The following EPHA6 variants were observed in gnomAD, a reference collection of about 807,000 sequenced individuals.
EPHA6 encodes the protein EPH receptor A6, also known as ephrin type-A receptor 6.
A neutral mutation model predicts 112.0 loss-of-function variants in EPHA6; 50 were observed. The observed-to-expected ratio is 0.45, with a 90% confidence interval of 0.36 to 0.56. The LOEUF (loss-of-function observed/expected upper bound fraction) is 0.56, where lower values mean the gene tolerates loss of function less well. Among genes scored for constraint, EPHA6 ranks in the 20% least tolerant of loss-of-function variants. The pLI, the probability that EPHA6 is intolerant of heterozygous loss-of-function variation, is 0.00. For missense variants in EPHA6, 1,280 were observed against 1,417.4 expected (o/e 0.90, Z 1.56); for synonymous variants, 529 against 490.7 (o/e 1.08, Z -1.03).
In EPHA6 at chr3:97,495,246, T is replaced by G. The variant is rs187001463; in HGVS notation, c.2200+11187T>G. ...ATATTATATTTTTATAGGTCTACACTATATATATATGTAAATCATATATAT... is the reference window on the plus strand; with the variant it reads ...ATATTATATTTTTATAGGTCTACACGATATATATATGTAAATCATATATAT... On this transcript the variant is annotated intron_variant, in intron 10 of 17. Transcript: ENST00000389672. Among the ~76,000 whole-genome samples the G allele has an allele frequency of 3.6e-3, 551 of 151,196 alleles. 3 individuals carry two copies. The highest frequency in any genetic ancestry group is 0.013 in the African/African-American group (524 of 41,352).
chr3:96,980,048 G>T (rs374979663), intron 2 of EPHA6, among the ~76,000 whole-genome samples: 16 of 152,178 alleles, frequency 1.1e-4, no homozygotes, highest in African/African-American at 2.2e-4. Context: ...AGAAGCTCTT[G>T]AGTTTAATTA....
At position 97,754,032 on chromosome 3, in the gene EPHA6, C is replaced by T. The variant is rs1411471587; in HGVS notation, c.*5331C>T. Among the ~76,000 whole-genome samples, 1 of 150,748 alleles carries T rather than the reference C, an allele frequency of 6.6e-6. No homozygotes were observed. Among genetic ancestry groups the T allele is most frequent in the African/African-American group, 2.4e-5 (1 of 41,036 alleles). On this transcript the variant is annotated 3_prime_UTR_variant, in exon 18 of 18. Coordinates refer to ENST00000389672, the MANE Select transcript of EPHA6 (RefSeq NM_001080448.3). ...CATCTTTTTCTGAGTAATAAATTAG[C>T]TTCAAATTAACAATGAGTTTGTATA...
chr3:97,583,412 G>A (rs1026468519), intron 11 of EPHA6, among the ~76,000 whole-genome samples: 3 of 152,030 alleles, frequency 2.0e-5, no homozygotes, highest in Admixed American at 6.5e-5. Flanking sequence ...GGTGGTGGGC[G>A]CCTGTAGTCC....
chr3:97,711,895 C>A (rs920959128), intron 14 of EPHA6, among the ~76,000 whole-genome samples: 1 of 152,170 alleles, frequency 6.6e-6, no homozygotes, highest in African/African-American at 2.4e-5. Context: ...AGGGATTAAT[C>A]ATTGCTTTGT....
intron 14 of EPHA6, among the ~76,000 whole-genome samples, chr3:97,694,922 A>G (rs2032932539): frequency 6.6e-6 from 1 of 152,222 alleles, no homozygotes; most frequent in Non-Finnish European, 1.5e-5. Flanking sequence ...AATAGAGTCA[A>G]CTTTTTTTAA....
chr3:96,960,876 A>G (rs535438214), intron 2 of EPHA6, among the ~76,000 whole-genome samples: 1 of 152,136 alleles, frequency 6.6e-6, no homozygotes, highest in Non-Finnish European at 1.5e-5. Flanking sequence ...TCTCATATCA[A>G]TCGACTCTGT....
chr3:96,979,553 T>A (rs904804477), intron 2 of EPHA6, among the ~76,000 whole-genome samples: 24 of 152,234 alleles, frequency 1.6e-4, no homozygotes, highest in Admixed American at 1.6e-3. Context: ...TATAATCCTT[T>A]GGGTATATAC....
chr3:96,831,889 C>T (rs528726778), intron 1 of EPHA6, among the ~76,000 whole-genome samples: 3 of 151,962 alleles, frequency 2.0e-5, no homozygotes, highest in Admixed American at 6.6e-5. Context: ...TGTAGGCATC[C>T]GGAATTATTC....
intron 2 of EPHA6, among the ~76,000 whole-genome samples, chr3:96,904,203 A>G (rs1320702870): frequency 1.3e-5 from 2 of 152,048 alleles, no homozygotes; most frequent in Non-Finnish European, 2.9e-5. Context: ...ACTTGGAACC[A>G]ACCCAAATGT....
intron 10 of EPHA6, among the ~76,000 whole-genome samples, chr3:97,492,430 T>C (rs2091865996): frequency 6.6e-6 from 1 of 151,050 alleles, no homozygotes; most frequent in Non-Finnish European, 1.5e-5. Flanking sequence ...TAATCCCAAC[T>C]ACTCAGAAGG....
chr3:97,382,313 C>A (rs1417405175), intron 5 of EPHA6, among the ~76,000 whole-genome samples: 1 of 152,002 alleles, frequency 6.6e-6, no homozygotes, highest in Non-Finnish European at 1.5e-5. Flanking sequence ...CAGAGGATGA[C>A]CTTTTCTTCA....
intron 11 of EPHA6, among the ~76,000 whole-genome samples, chr3:97,568,422 G>T (rs903480031): frequency 6.6e-6 from 1 of 152,080 alleles, no homozygotes; most frequent in Non-Finnish European, 1.5e-5. Flanking sequence ...TTGATGGAAC[G>T]AGTCCAAGTT....
intron 3 of EPHA6, among the ~76,000 whole-genome samples, chr3:97,082,672 G>T (rs1576454805): frequency 6.6e-6 from 1 of 151,764 alleles, no homozygotes; most frequent in South Asian, 2.1e-4. Context: ...ATTTTATTTA[G>T]GATCTGCCAG....
intron 6 of EPHA6, among the ~76,000 whole-genome samples, chr3:97,410,712 G>A (rs968294287): frequency 2.6e-5 from 4 of 152,060 alleles, no homozygotes; most frequent in African/African-American, 9.7e-5. Flanking sequence ...AGTGTTAGTG[G>A]TGGTAACATG....
intron 11 of EPHA6, among the ~76,000 whole-genome samples, chr3:97,544,487 G>A (rs1362961583): frequency 2.0e-5 from 3 of 152,130 alleles, no homozygotes; most frequent in African/African-American, 4.8e-5. Context: ...TGCTGGATTC[G>A]GTTTGCCAGT....
intron 15 of EPHA6, among the ~76,000 whole-genome samples, chr3:97,729,514 A>G (rs1404924801): frequency 1.3e-5 from 2 of 152,044 alleles, no homozygotes; most frequent in Non-Finnish European, 2.9e-5. Context: ...CACGATCATG[A>G]GAACAGCACG....
At chr3:97,520,733 G>A (rs1276851833) in intron 10 of EPHA6, among the ~76,000 whole-genome samples, 2 of 152,174 alleles carry the variant, frequency 1.3e-5, no homozygotes, top group Admixed American at 6.6e-5. Context: ...AGCCTCCCAT[G>A]TCTGGATGTC....
chr3:97,011,031 T>C (rs527577578), intron 3 of EPHA6, among the ~76,000 whole-genome samples: 1 of 152,250 alleles, frequency 6.6e-6, no homozygotes, highest in South Asian at 2.1e-4. Context: ...GCTTGCTACT[T>C]ACTTGTAACC....
chr3:97,683,304 T>C (rs1347611425), intron 14 of EPHA6, among the ~76,000 whole-genome samples: 1 of 152,166 alleles, frequency 6.6e-6, no homozygotes, highest in Non-Finnish European at 1.5e-5. Flanking sequence ...TTTTCTGTAG[T>C]TGTCTGCCTT....
Sources: gnomAD v4.1 joint callset for allele counts (sites outside exome capture counted in the v4.1 genomes callset) on GRCh38, gnomAD v4.1.1 for gene constraint, MANE v1.5 for transcripts, NCBI Gene and HGNC (gene_info 2026-07-23, HGNC 2026-07-21) for gene names.